The following ANK1 variants were observed in gnomAD, a reference collection of about 807,000 sequenced individuals.
ANK1 encodes the protein ankyrin 1.
In ANK1, 51 loss-of-function variants were observed where a neutral mutation model predicts 210.4. The observed-to-expected ratio is 0.24, with a 90% CI of 0.19 to 0.31. The LOEUF (loss-of-function observed/expected upper bound fraction) is 0.31. Ranked by LOEUF, ANK1 falls within the 10% of genes least tolerant of loss-of-function variation. The pLI is 1.00. For synonymous variants in ANK1, 967 were observed against 1,025.9 expected (o/e 0.94, Z 1.10); for missense variants, 2,051 against 2,504.4 (o/e 0.82, Z 3.86).
chr8:41,735,814 G>A (rs1420360629), intron 2 of ANK1, among the ~76,000 whole-genome samples: 1 of 152,204 alleles, frequency 6.6e-6, no homozygotes, highest in East Asian at 1.9e-4. Context: ...GGGGACCTTG[G>A]ATGCAGCAAA....
chr8:41,779,752 CAG>C (rs1343887205), intron 1 of ANK1, among the ~76,000 whole-genome samples: 1 of 152,194 alleles, frequency 6.6e-6, no homozygotes, highest in Non-Finnish European at 1.5e-5. Flanking sequence ...AAGTGGAAAA[CAG>C]GGCACAGAGA....
chr8:41,682,739 G>A (rs906886460), intron 37 of ANK1, among the ~76,000 whole-genome samples: 1 of 152,224 alleles, frequency 6.6e-6, no homozygotes, highest in Non-Finnish European at 1.5e-5. Flanking sequence ...TGTGGCTCTG[G>A]TGGCCCATTG....
At chr8:41,749,356 G>A (rs960158460) in intron 2 of ANK1, among the ~76,000 whole-genome samples, 1 of 142,054 alleles carries the variant, frequency 7.0e-6, no homozygotes, top group Non-Finnish European at 1.5e-5. Context: ...GGAGTGCAGT[G>A]GCACAATCTC....
intron 40 of ANK1, among the ~76,000 whole-genome samples, chr8:41,663,045 G>A (rs1809013572): frequency 6.6e-6 from 1 of 151,718 alleles, no homozygotes; most frequent in African/African-American, 2.4e-5. Context: ...TTCCTGAGTA[G>A]CTGTGACTAC....
intron 10 of ANK1, 63 bp downstream of exon 10, chr8:41,719,598 C>G: frequency 6.2e-7 from 1 of 1,606,774 alleles, no homozygotes; most frequent in Non-Finnish European, 8.5e-7. Flanking sequence ...AGCCATGCCT[C>G]TCTGCTCCTG....
intron 37 of ANK1, 77 bp downstream of exon 37, chr8:41,684,452 AGGGATGACGTATTGT>A (rs750779694): frequency 1.3e-6 from 2 of 1,567,262 alleles, no homozygotes; most frequent in Non-Finnish European, 1.7e-6. Flanking sequence ...GCGGGCTTTG[AGGGATGACGTATTGT>A]GGGAAGGGGT....
At chr8:41,803,003 A>AAGAAAGAG (rs1268480151) in intron 1 of ANK1, among the ~76,000 whole-genome samples, 3 of 47,752 alleles carry the variant, frequency 6.3e-5, no homozygotes, top group Non-Finnish European at 9.5e-5. Context: ...GAGAGAAAGA[A>AAGAAAGAG]AGAAAGAAAG....
intron 37 of ANK1, among the ~76,000 whole-genome samples, chr8:41,679,800 G>A (rs62508166): frequency 0.2 from 30,108 of 151,076 alleles, 3,081 homozygotes; most frequent in Middle Eastern, 0.27. Flanking sequence ...TCCTGACCTC[G>A]TGATCCGCCC....
chr8:41,883,485 G>A (rs1817950701), intron 1 of ANK1, among the ~76,000 whole-genome samples: 1 of 151,732 alleles, frequency 6.6e-6, no homozygotes, highest in East Asian at 1.9e-4. Flanking sequence ...TTTTGAGACA[G>A]AGTCTCATTC....
chr8:41,719,674 T>G lies in ANK1; in HGVS notation c.1094A>C (p.Asn365Thr), dbSNP rs771419729. The change falls in exon 10 of 43, where the codon AAC becomes ACC. Residue 365 changes from asparagine to threonine, a missense_variant. Asn to Thr is a moderately conservative substitution (Grantham distance 65, BLOSUM62 0). This residue lies in a region of ANK1 where 1,413 missense variants were observed against 1,707.4 expected (regional missense o/e 0.83). Transcript: ENST00000289734. ...ACCCCCACTCACCAGGGCTCTGGAG[T>G]TGGGTTTGGCCCCTTTATCCAGAAG... ...KVLLDKGAKP[N>T]SRALNGFTPL... is the part of the protein sequence containing the mutation. 1 of 1,614,068 alleles carries G rather than the reference T, an allele frequency of 6.2e-7. No individual in the cohort carries two copies. Among genetic ancestry groups the G allele is most frequent in the Non-Finnish European group, 8.5e-7 (1 of 1,179,996 alleles).
In ANK1 at chr8:41,708,688, C is replaced by G. The variant is rs1825348426; in HGVS notation, c.1998+90G>C. On this transcript the variant is annotated intron_variant, in intron 17 of 42. Transcript: ENST00000289734. ...GGATTACACACACACACCCCTAACT[C>G]AGAACCTGGGCACACATAGATGCTC... 2.1e-6 allele frequency: 3 copies of G among 1,455,710 alleles called. No individual in the cohort carries two copies. The South Asian group carries it at 3.4e-5, about 17-fold the overall frequency. The allele number at this position is 1,455,710 out of a possible 1,614,324, so 90.2% of individuals were successfully genotyped here. A position where few individuals can be genotyped will look rare whatever the true frequency, so the allele number is the denominator to read the frequency against.
upstream of ANK1, among the ~76,000 whole-genome samples, chr8:41,801,356 G>A (rs115075266): frequency 1.9e-3 from 289 of 152,318 alleles, 1 homozygote; most frequent in African/African-American, 5.3e-3. Context: ...CCCAGTGCAC[G>A]TGTGTGAGAT....
intron 2 of ANK1, among the ~76,000 whole-genome samples, chr8:41,756,227 C>T (rs1478324140): frequency 1.3e-5 from 2 of 152,102 alleles, no homozygotes; most frequent in Non-Finnish European, 2.9e-5. Flanking sequence ...CTCACTGCAA[C>T]CTCCGCCTCC....
chr8:41,784,926 A>G (rs1846043760), intron 1 of ANK1, among the ~76,000 whole-genome samples: 1 of 152,254 alleles, frequency 6.6e-6, no homozygotes, highest in Non-Finnish European at 1.5e-5. Flanking sequence ...GGCCTTCCCC[A>G]GGTCACACAT....
At chr8:41,739,373 C>T (rs899041688) in intron 2 of ANK1, among the ~76,000 whole-genome samples, 2 of 152,078 alleles carry the variant, frequency 1.3e-5, no homozygotes, top group African/African-American at 4.8e-5. Context: ...TGAATGTTAT[C>T]TACTTTTCCC....
chr8:41,744,979 A>G (rs1835736985), intron 2 of ANK1, among the ~76,000 whole-genome samples: 1 of 152,244 alleles, frequency 6.6e-6, no homozygotes, highest in Non-Finnish European at 1.5e-5. Context: ...TTCCAGATGG[A>G]AGGAGGCTGA....
intron 1 of ANK1, among the ~76,000 whole-genome samples, chr8:41,822,122 GAGAA>G (rs1804481550): frequency 3.1e-5 from 1 of 31,910 alleles, no homozygotes. Context: ...GAGAAAGAAA[GAGAA>G]AGAAAGAGAA....
intron 1 of ANK1, among the ~76,000 whole-genome samples, chr8:41,862,251 G>A (rs1431430915): frequency 1.3e-5 from 2 of 152,200 alleles, no homozygotes; most frequent in African/African-American, 2.4e-5. Flanking sequence ...GGGAGGCTGA[G>A]GACGAGTTAT....
intron 1 of ANK1, among the ~76,000 whole-genome samples, chr8:41,822,993 G>T (rs1398763070): frequency 6.6e-6 from 1 of 152,256 alleles, no homozygotes; most frequent in Non-Finnish European, 1.5e-5. Flanking sequence ...TGTGAAACAG[G>T]AAAGCTAACG....
Sources: allele counts gnomAD v4.1 joint callset (sites outside exome capture counted in the v4.1 genomes callset), GRCh38; gene constraint gnomAD v4.1.1; regional missense constraint gnomAD v4.1.1; transcripts MANE v1.5; gene names NCBI Gene and HGNC (gene_info 2026-07-23, HGNC 2026-07-21).